The following NR3C2 variants were observed in gnomAD, a reference collection of about 807,000 sequenced individuals.
The protein encoded by NR3C2 is nuclear receptor subfamily 3 group C member 2.
A neutral mutation model predicts 86.4 loss-of-function variants in NR3C2; 15 were observed. The ratio of observed to expected loss-of-function variants is 0.17; its 90% CI spans 0.12 to 0.27. NR3C2 has a LOEUF of 0.27. Ranked by LOEUF, NR3C2 falls within the 10% of genes least tolerant of loss-of-function variation. The probability of loss-of-function intolerance (pLI) is 1.00; values close to 1 mark genes in which losing one functional copy is unlikely to be tolerated. For missense variants in NR3C2, 960 were observed against 1,195.6 expected (o/e 0.80, Z 2.91); for synonymous variants, 458 against 450.5 (o/e 1.02, Z -0.21).
At chr4:148,430,058 G>C (rs1749728125) in intron 2 of NR3C2, among the ~76,000 whole-genome samples, 1 of 152,092 alleles carries the variant, frequency 6.6e-6, no homozygotes, top group African/African-American at 2.4e-5. Context: ...TGCTATTACT[G>C]TAACATTCCA....
At chr4:148,322,109 A>G (rs1743634679) in intron 2 of NR3C2, among the ~76,000 whole-genome samples, 1 of 151,398 alleles carries the variant, frequency 6.6e-6, no homozygotes, top group Non-Finnish European at 1.5e-5. Context: ...GCTTGTCTGT[A>G]AAGTATTTTA....
intron 3 of NR3C2, among the ~76,000 whole-genome samples, chr4:148,252,852 T>C (rs1327591576): frequency 6.6e-6 from 1 of 152,176 alleles, no homozygotes; most frequent in Non-Finnish European, 1.5e-5. Context: ...TTTTGACTCA[T>C]GGAAATCTGT....
At chr4:148,289,390 AAGAAC>A (rs1460285251) in intron 2 of NR3C2, among the ~76,000 whole-genome samples, 1 of 152,174 alleles carries the variant, frequency 6.6e-6, no homozygotes, top group Non-Finnish European at 1.5e-5. Context: ...TTTTTCATCA[AAGAAC>A]ATTTTTAAAA....
intron 6 of NR3C2, among the ~76,000 whole-genome samples, chr4:148,121,202 C>T (rs182009308): frequency 5.7e-4 from 87 of 152,264 alleles, no homozygotes; most frequent in Non-Finnish European, 9.6e-4. Context: ...GATAGTGGAT[C>T]CATTAAAGGG....
chr4:148,223,742 A>G (rs147511362), intron 3 of NR3C2, among the ~76,000 whole-genome samples: 1 of 152,214 alleles, frequency 6.6e-6, no homozygotes, highest in Non-Finnish European at 1.5e-5. Context: ...ATTTTTCATA[A>G]AGAACAAAGG....
chr4:148,362,211 C>CATTAT (rs1387485091), intron 2 of NR3C2, among the ~76,000 whole-genome samples: 1 of 152,162 alleles, frequency 6.6e-6, no homozygotes, highest in African/African-American at 2.4e-5. Flanking sequence ...AGGCTGTTTG[C>CATTAT]ATTATTTCCT....
At chr4:148,411,426 G>A (rs1748697445) in intron 2 of NR3C2, among the ~76,000 whole-genome samples, 1 of 152,030 alleles carries the variant, frequency 6.6e-6, no homozygotes, top group African/African-American at 2.4e-5. Context: ...TACAGACAAG[G>A]GTAATGTGTT....
intron 2 of NR3C2, among the ~76,000 whole-genome samples, chr4:148,371,622 A>C (rs952065360): frequency 6.6e-6 from 1 of 152,032 alleles, no homozygotes; most frequent in African/African-American, 2.4e-5. Flanking sequence ...TAGAAGAGAA[A>C]AAAAAAAGGA....
chr4:148,295,613 C>G (rs1446468098), intron 2 of NR3C2, among the ~76,000 whole-genome samples: 2 of 150,776 alleles, frequency 1.3e-5, no homozygotes, highest in Non-Finnish European at 2.9e-5. Flanking sequence ...TCTCCACATG[C>G]CCATCTCTGT....
intron 2 of NR3C2, among the ~76,000 whole-genome samples, chr4:148,332,621 G>A (rs891461297): frequency 1.3e-5 from 2 of 152,132 alleles, no homozygotes; most frequent in African/African-American, 2.4e-5. Flanking sequence ...CATCTGCAAA[G>A]CATCTTAGTC....
At chr4:148,217,569 C>A (rs971482123) in intron 3 of NR3C2, among the ~76,000 whole-genome samples, 1 of 152,194 alleles carries the variant, frequency 6.6e-6, no homozygotes, top group Admixed American at 6.5e-5. Flanking sequence ...TAGTCTCATC[C>A]TACCAATGGA....
chr4:148,158,852 C>A (rs913064495), intron 4 of NR3C2, among the ~76,000 whole-genome samples: 2 of 152,150 alleles, frequency 1.3e-5, no homozygotes, highest in East Asian at 3.8e-4. Flanking sequence ...ATCGACATCA[C>A]ATTTAGCATT....
intron 4 of NR3C2, among the ~76,000 whole-genome samples, chr4:148,174,621 C>T (rs925610984): frequency 2.6e-5 from 4 of 152,184 alleles, no homozygotes; most frequent in South Asian, 2.1e-4. Flanking sequence ...CTTTGCTCTG[C>T]GTCTCCCCAG....
chr4:148,293,525 AG>A (rs545496191), intron 2 of NR3C2, among the ~76,000 whole-genome samples: 108 of 152,330 alleles, frequency 7.1e-4, no homozygotes, highest in Non-Finnish European at 1.4e-3. Flanking sequence ...ATTACTGACT[AG>A]AAATGCCTTA....
chr4:148,090,475 G>A (rs1731010396), intron 8 of NR3C2, among the ~76,000 whole-genome samples: 2 of 152,212 alleles, frequency 1.3e-5, no homozygotes, highest in South Asian at 4.1e-4. Flanking sequence ...ACAGGTGACA[G>A]CAACGCTGAC....
chr4:148,358,417 A>G (rs1349967586), intron 2 of NR3C2, among the ~76,000 whole-genome samples: 1 of 145,196 alleles, frequency 6.9e-6, no homozygotes. Context: ...TGGGAATTGA[A>G]CAATGAGATC....
At position 148,436,157 on chromosome 4, in the gene NR3C2, A is replaced by T; in HGVS notation, c.704T>A (p.Leu235Gln). Reference sequence around the variant, plus strand: ...ATTTTCAACATTAGGGGAGCATGTCAGAGGAGTTCCCTGGGTGATTGGGCT... The same window carrying T: ...ATTTTCAACATTAGGGGAGCATGTCTGAGGAGTTCCCTGGGTGATTGGGCT... ...VHSPITQGTP[L>Q]TCSPNVENRG... is the part of the protein sequence containing the mutation. The change falls in exon 2 of 9, where the codon CTG (leucine) becomes CAG (glutamine). Residue 235 changes from leucine to glutamine, a missense_variant. This residue lies in a region of NR3C2 where 680 missense variants were observed against 719.0 expected (regional missense o/e 0.95). Transcript: ENST00000358102. 8.7e-6 allele frequency: 14 copies of T among 1,614,182 alleles called. No individual in the cohort carries two copies. Among genetic ancestry groups the T allele is most frequent in the Non-Finnish European group, 1.2e-5 (14 of 1,180,034 alleles).
chr4:148,333,307 T>C (rs1398398421), intron 2 of NR3C2, among the ~76,000 whole-genome samples: 2 of 152,122 alleles, frequency 1.3e-5, no homozygotes, highest in Non-Finnish European at 2.9e-5. Flanking sequence ...TATGAAAAAC[T>C]AGAAAAGTTC....
intron 4 of NR3C2, among the ~76,000 whole-genome samples, chr4:148,177,269 T>C (rs548812482): frequency 4.6e-5 from 7 of 152,346 alleles, no homozygotes; most frequent in African/African-American, 1.7e-4. Flanking sequence ...TTAAAATATG[T>C]TAGAATTGGG....
Sources: gnomAD v4.1 joint callset for allele counts (sites outside exome capture counted in the v4.1 genomes callset) on GRCh38, gnomAD v4.1.1 for gene constraint, gnomAD v4.1.1 regional missense constraint, MANE v1.5 for transcripts, NCBI Gene and HGNC (gene_info 2026-07-23, HGNC 2026-07-21) for gene names.